The following CADM2 variants were observed in gnomAD, a reference collection of about 807,000 sequenced individuals.
CADM2 encodes cell adhesion molecule 2.
A neutral mutation model predicts 49.8 loss-of-function variants in CADM2; 12 were observed. That is an observed-to-expected ratio of 0.24 (90% CI 0.15 to 0.39). The LOEUF is 0.39. Ranked by LOEUF, CADM2 falls within the 10% of genes least tolerant of loss-of-function variation. The pLI, the probability that CADM2 is intolerant of heterozygous loss-of-function variation, is 1.00. For synonymous variants in CADM2, 214 were observed against 175.4 expected, an observed-to-expected ratio of 1.22 and a Z score of -1.74; for missense variants, 378 against 492.3, an observed-to-expected ratio of 0.77 and a Z score of 2.20.
intron 1 of CADM2, among the ~76,000 whole-genome samples, chr3:85,172,400 A>C (rs1314514539): frequency 1.3e-5 from 2 of 152,238 alleles, no homozygotes; most frequent in Non-Finnish European, 2.9e-5. Flanking sequence ...TATCCCCCTT[A>C]AGAGATGACA....
At chr3:85,340,683 A>T (rs750293796) in intron 1 of CADM2, among the ~76,000 whole-genome samples, 1 of 151,678 alleles carries the variant, frequency 6.6e-6, no homozygotes, top group Non-Finnish European at 1.5e-5. Flanking sequence ...GGTAAAATTG[A>T]ATAGAATATT....
At chr3:85,693,452 C>T (rs2066449139) in intron 1 of CADM2, among the ~76,000 whole-genome samples, 2 of 149,830 alleles carry the variant, frequency 1.3e-5, no homozygotes, top group Admixed American at 6.7e-5. Flanking sequence ...CAGTGGCGGG[C>T]GCCTGTAGTC....
At chr3:85,433,589 C>A (rs2036787993) in intron 1 of CADM2, among the ~76,000 whole-genome samples, 1 of 152,100 alleles carries the variant, frequency 6.6e-6, no homozygotes, top group Non-Finnish European at 1.5e-5. Context: ...AAGGAGCTAG[C>A]AAATAAGGAT....
rs1559840290 is a variant in CADM2, at chr3:86,071,121, A to G, written c.*4338A>G. 6.6e-6 allele frequency: 1 copy of G among 151,910 alleles called. No homozygotes were observed. The highest frequency in any genetic ancestry group is 1.5e-5 in the Non-Finnish European group (1 of 67,832). 9.4% of individuals were successfully genotyped at this position (151,910 alleles called of 1,614,324 possible). ...TTGGATTAGTTTTTGGTGTTATTGCAGAGAAAGAAATAACCTGAGTTTTAA... is the reference window on the plus strand; with the variant it reads ...TTGGATTAGTTTTTGGTGTTATTGCGGAGAAAGAAATAACCTGAGTTTTAA... On this transcript the variant is annotated 3_prime_UTR_variant, in exon 10 of 10. Transcript: ENST00000383699.
chr3:85,939,925 T>C (rs575491689), intron 7 of CADM2, among the ~76,000 whole-genome samples: 1 of 150,416 alleles, frequency 6.6e-6, no homozygotes, highest in East Asian at 2.0e-4. Flanking sequence ...GAGAAATAAT[T>C]ACACATCTAT....
intron 1 of CADM2, among the ~76,000 whole-genome samples, chr3:85,681,145 G>A (rs114321229): frequency 0.01 from 1,592 of 152,100 alleles, 32 homozygotes; most frequent in African/African-American, 0.037. Context: ...ATAGACTTTG[G>A]CACACTGGGG....
intron 1 of CADM2, among the ~76,000 whole-genome samples, chr3:85,070,852 G>C (rs948388268): frequency 6.6e-6 from 1 of 151,930 alleles, no homozygotes; most frequent in Non-Finnish European, 1.5e-5. Context: ...AGCTGGGCTG[G>C]GTGGTGCACA....
chr3:84,971,538 A>G (rs2107092382), intron 1 of CADM2, among the ~76,000 whole-genome samples: 1 of 152,240 alleles, frequency 6.6e-6, no homozygotes, highest in Middle Eastern at 3.4e-3. Context: ...ATGCTATAAT[A>G]AAAGTATTCT....
chr3:85,941,595 A>G (rs1460846907), intron 7 of CADM2, among the ~76,000 whole-genome samples: 3 of 152,096 alleles, frequency 2.0e-5, no homozygotes, highest in Non-Finnish European at 2.9e-5. Flanking sequence ...GCCACAGGAA[A>G]AGCCCCTTCT....
intron 1 of CADM2, among the ~76,000 whole-genome samples, chr3:85,088,962 T>C (rs2037490390): frequency 6.6e-6 from 1 of 152,234 alleles, no homozygotes; most frequent in African/African-American, 2.4e-5. Context: ...GCACGGGAAG[T>C]ATATAAGACA....
At chr3:84,969,232 G>A (rs2031236078) in intron 1 of CADM2, among the ~76,000 whole-genome samples, 1 of 151,740 alleles carries the variant, frequency 6.6e-6, no homozygotes, top group Admixed American at 6.6e-5. Context: ...TTTTATTTAT[G>A]CTTATGGCAA....
At chr3:85,801,995 T>G in intron 2 of CADM2, 52 bp from the exon 3 acceptor site, 1 of 1,354,104 alleles carries the variant, frequency 7.4e-7, no homozygotes, top group Non-Finnish European at 9.8e-7. Context: ...CTTAGGCAGT[T>G]AATCATTTTA....
chr3:85,618,101 TA>T (rs146950683), intron 1 of CADM2, among the ~76,000 whole-genome samples: 2 of 152,166 alleles, frequency 1.3e-5, no homozygotes, highest in African/African-American at 2.4e-5. Flanking sequence ...AATTGTTTTG[TA>T]AAAAATAACT....
At chr3:86,020,233 C>A (rs1399705134) in intron 8 of CADM2, among the ~76,000 whole-genome samples, 7 of 151,818 alleles carry the variant, frequency 4.6e-5, no homozygotes, top group African/African-American at 7.3e-5. Flanking sequence ...ACTAGAAAAT[C>A]TAGAAGAAAT....
intron 3 of CADM2, among the ~76,000 whole-genome samples, chr3:85,872,112 T>C (rs544277068): frequency 6.6e-5 from 10 of 152,376 alleles, no homozygotes; most frequent in Admixed American, 2.0e-4. Flanking sequence ...GTTGTTGGGC[T>C]GCCTATGTGA....
At chr3:85,321,995 T>C (rs1157287646) in intron 1 of CADM2, among the ~76,000 whole-genome samples, 2 of 152,228 alleles carry the variant, frequency 1.3e-5, no homozygotes, top group African/African-American at 4.8e-5. Flanking sequence ...CATAATAATG[T>C]TGCTCACATA....
In CADM2 at chr3:86,008,529, C is replaced by A. The variant is rs557532007; in HGVS notation, c.970+46882C>A. Among the ~76,000 whole-genome samples, 5 of 151,966 alleles carry A rather than the reference C, an allele frequency of 3.3e-5. No individual in the cohort carries two copies. In the East Asian group the frequency reaches 5.8e-4, roughly 18 times the overall value. ...ATAAAAACACCAAAAATTTTTGATGCGTAATTCAATGCTGAGATGATGTAG... is the reference window on the plus strand; with the variant it reads ...ATAAAAACACCAAAAATTTTTGATGAGTAATTCAATGCTGAGATGATGTAG... On this transcript the variant is annotated intron_variant, in intron 8 of 9. Transcript: ENST00000383699.
intron 7 of CADM2, among the ~76,000 whole-genome samples, chr3:85,941,543 T>C (rs1721908578): frequency 6.6e-6 from 1 of 151,958 alleles, no homozygotes; most frequent in Non-Finnish European, 1.5e-5. Flanking sequence ...TCAGTTGGGG[T>C]AAAATCCAAA....
chr3:85,454,114 G>A (rs374381457), intron 1 of CADM2, among the ~76,000 whole-genome samples: 1 of 152,058 alleles, frequency 6.6e-6, no homozygotes, highest in African/African-American at 2.4e-5. Context: ...AAGCATTTTG[G>A]GAGGCCGAGA....
Sources: gnomAD v4.1 joint callset for allele counts (sites outside exome capture counted in the v4.1 genomes callset) on GRCh38, gnomAD v4.1.1 for gene constraint, MANE v1.5 for transcripts, NCBI Gene and HGNC (gene_info 2026-07-23, HGNC 2026-07-21) for gene names.